Variants in ENKD1 observed in about 807,000 individuals in gnomAD.
The protein encoded by ENKD1 is enkurin domain-containing protein 1.
In ENKD1, 39 loss-of-function variants were observed where a neutral mutation model predicts 35.8. The observed-to-expected ratio is 1.09, with a 90% CI of 0.84 to 1.42. ENKD1 has a LOEUF of 1.42. ENKD1 is among the 40% of genes most tolerant of loss of function. The pLI, the probability that ENKD1 is intolerant of heterozygous loss-of-function variation, is 0.00. For synonymous variants in ENKD1, 205 were observed against 198.6 expected (o/e 1.03, Z -0.27); for missense variants, 474 against 471.3 (o/e 1.01, Z -0.05).
Position 67,666,540 on chromosome 16 carries a change from C to T in ENKD1, c.-98G>A, listed in dbSNP as rs2142988357. On this transcript the variant is annotated 5_prime_UTR_variant, in exon 1 of 7. Coordinates refer to ENST00000243878, the MANE Select transcript of ENKD1 (RefSeq NM_032140.3). ...CCCAACCCCGGGCCCCCTCCCTCGCCCGGCACCCTGACCCTGGCGTGCCCG... is the reference window on the plus strand; with the variant it reads ...CCCAACCCCGGGCCCCCTCCCTCGCTCGGCACCCTGACCCTGGCGTGCCCG... The T allele has an allele frequency of 8.5e-7, 1 of 1,179,898 alleles. No homozygotes were observed. The highest frequency in any genetic ancestry group is 1.1e-6 in the Non-Finnish European group (1 of 892,586). 73.1% of individuals were successfully genotyped at this position (1,179,898 alleles called of 1,614,324 possible).
At chr16:67,665,935 C>T in intron 2 of ENKD1, 136 bp downstream of exon 2, 1 of 948,146 alleles carries the variant, frequency 1.1e-6, no homozygotes, top group South Asian at 1.7e-5. Context: ...ATATTTCTCC[C>T]CCTTTTATAG....
chr16:67,663,490 AG>A lies in ENKD1; in HGVS notation c.809del (p.Pro270LeufsTer19), dbSNP rs1232718534. 1.7e-5 allele frequency: 28 copies of A among 1,612,910 alleles called. No individual in the cohort carries two copies. Among genetic ancestry groups the A allele is most frequent in the Non-Finnish European group, 2.4e-5 (28 of 1,179,896 alleles). ...AEARKQSQPDPAMPPGHTRMP... is the reference protein window; with the variant it reads ...AEARKQSQPDXAMPPGHTRMP... Reference sequence around the variant, plus strand: ...TGCGCGTGTGGCCTGGGGGCATGGCAGGGTCCGGCTGGCTCTGCTTGCGGGC... The same window carrying A: ...TGCGCGTGTGGCCTGGGGGCATGGCAGGTCCGGCTGGCTCTGCTTGCGGGC... On this transcript the variant is annotated frameshift_variant, in exon 6 of 7. Transcript: ENST00000243878. LOFTEE classifies it high-confidence loss of function.
In ENKD1 at chr16:67,666,158, C is replaced by T. The variant is rs941646328; in HGVS notation, c.193G>A (p.Glu65Lys). The change falls in exon 2 of 7, where the codon GAG (glutamate) becomes AAG (lysine). Residue 65 changes from glutamate to lysine, a missense_variant. Glu to Lys is a moderately conservative substitution (Grantham distance 56, BLOSUM62 1). Transcript: ENST00000243878. ...CCGCGCTGGCCGCGCTCCAGGATCT[C>T]TCCGGCACCGGGACCGATGCAGGGG... Reference protein sequence around the residue: ...RGPCIGPGAGEILERGQRGVG... With the variant: ...RGPCIGPGAGKILERGQRGVG... The T allele has an allele frequency of 6.2e-7, 1 of 1,612,754 alleles. No homozygotes were observed. The highest frequency in any genetic ancestry group is 8.5e-7 in the Non-Finnish European group (1 of 1,179,950).
chr16:67,663,156 G>A lies in ENKD1; in HGVS notation c.*5C>T. The A allele has an allele frequency of 1.2e-6, 2 of 1,613,856 alleles. No individual in the cohort carries two copies. Among genetic ancestry groups the A allele is most frequent in the Non-Finnish European group, 8.5e-7 (1 of 1,179,994 alleles). On this transcript the variant is annotated 3_prime_UTR_variant, in exon 7 of 7. Transcript: ENST00000243878. Reference sequence around the variant, plus strand: ...GAGCTCCTTGCCACTGTCCCCCAAAGGGGCTCAGTCGTCCATCTTCACGAA... The same window carrying A: ...GAGCTCCTTGCCACTGTCCCCCAAAAGGGCTCAGTCGTCCATCTTCACGAA...
chr16:67,666,288 G>T lies in ENKD1; in HGVS notation c.86-23C>A, dbSNP rs764111689. 11 of 1,601,240 alleles carry T rather than the reference G, an allele frequency of 6.9e-6. No homozygotes were observed. In the East Asian group the frequency reaches 2.5e-4, roughly 36 times the overall value. On this transcript the variant is annotated intron_variant, in intron 1 of 6. Coordinates refer to ENST00000243878, the MANE Select transcript of ENKD1 (RefSeq NM_032140.3). ...GAGCTGTGGGGCGGAGCCGGGCGGA[G>T]TCCGGGGCTCAGAGGTGGAGCCAGG...
At position 67,666,643 on chromosome 16, in the gene ENKD1, C is replaced by CT; in HGVS notation, c.-202dup. On this transcript the variant is annotated 5_prime_UTR_variant, in exon 1 of 7. Coordinates refer to ENST00000243878, the MANE Select transcript of ENKD1 (RefSeq NM_032140.3). ...CTCCGCGACCTCTGCTCCCAGCCCA[C>CT]TTCTCGGTCCCGCTCGCGGCCTCTC... The CT allele has an allele frequency of 1.9e-6, 1 of 523,392 alleles. No individual in the cohort carries two copies. Among genetic ancestry groups the CT allele is most frequent in the Non-Finnish European group, 3.3e-6 (1 of 307,552 alleles). 32.4% of individuals were successfully genotyped at this position (523,392 alleles called of 1,614,324 possible).
chr16:67,664,969 A>G, intron 3 of ENKD1, 27 bp downstream of exon 3: 2 of 1,575,722 alleles, frequency 1.3e-6, no homozygotes, highest in Non-Finnish European at 1.7e-6. Context: ...AAAATGGATA[A>G]TACTTCTGGC....
intron 2 of ENKD1, 142 bp from the exon 3 acceptor site, chr16:67,665,310 T>A (rs777693327): frequency 8.4e-6 from 6 of 713,868 alleles, no homozygotes; most frequent in East Asian, 2.9e-5. Context: ...CTACACACAC[T>A]CTCCCTCATC....
rs751431968 is a variant in ENKD1, at chr16:67,663,980, T to A, written c.536A>T (p.His179Leu). 1.9e-6 allele frequency: 3 copies of A among 1,596,382 alleles called. No individual in the cohort carries two copies. The highest frequency in any genetic ancestry group is 1.7e-6 in the Non-Finnish European group (2 of 1,171,092). Residue 179 changes from histidine (H) to leucine (L), a missense_variant, in exon 4 of 7, where the codon CAT (histidine) becomes CTT (leucine). Transcript: ENST00000243878. ...SRCGPGLPPP[H>L]VSSPQPTPPG... The stretch of plus-strand genomic sequence containing the variant: ...TGGGGTTGGCTGGGGACTAGATACA[T>A]GGGGTGGTGGGAGGCCAGGGCCGCA...
chr16:67,664,085 G>A, intron 3 of ENKD1, 23 bp from the exon 4 acceptor site: 3 of 1,549,520 alleles, frequency 1.9e-6, no homozygotes, highest in Non-Finnish European at 2.6e-6. Context: ...GCACAGCAGA[G>A]AGAGCAGGCA....
chr16:67,663,187 T>A lies in ENKD1; in HGVS notation c.1015A>T (p.Lys339Ter). Reference sequence around the variant, plus strand: ...CAGTCGTCCATCTTCACGAAGACTTTGGGCCGAGAAAAGATCTTGATGGCC... The same window carrying A: ...CAGTCGTCCATCTTCACGAAGACTTAGGGCCGAGAAAAGATCTTGATGGCC... ...EEAIKIFSRPKVFVKMDD is the reference protein window; with the variant it reads ...EEAIKIFSRP Residue 339 changes from lysine to a stop codon, truncating the protein, a stop_gained, in exon 7 of 7, where the codon AAA (lysine) becomes TAA (stop). Transcript: ENST00000243878. LOFTEE classifies it high-confidence loss of function. 6.2e-7 allele frequency: 1 copy of A among 1,614,072 alleles called. No homozygotes were observed. Among genetic ancestry groups the A allele is most frequent in the Non-Finnish European group, 8.5e-7 (1 of 1,180,034 alleles).
chr16:67,664,051 A>G lies in ENKD1; in HGVS notation c.465T>C (p.Pro155=). The G allele has an allele frequency of 5.8e-6, 9 of 1,557,800 alleles. No homozygotes were observed. Among genetic ancestry groups the G allele is most frequent in the Non-Finnish European group, 7.0e-6 (8 of 1,150,440 alleles). Residue 155 remains proline, a synonymous_variant, in exon 4 of 7, where the codon CCT becomes CCC. Coordinates refer to ENST00000243878, the MANE Select transcript of ENKD1 (RefSeq NM_032140.3). ...AGTGGGCAGACTCTGTCCCAGAGGCAGGGCCAGGCTCCTGGAGGGCAGGGC... is the reference window on the plus strand; with the variant it reads ...AGTGGGCAGACTCTGTCCCAGAGGCGGGGCCAGGCTCCTGGAGGGCAGGGC... The part of the protein sequence containing the change: ...RVKAQLQEPG[P]ASGTESAHFL...
Position 67,663,668 on chromosome 16 carries a change from A to G in ENKD1, c.732T>C (p.His244=). The G allele has an allele frequency of 1.9e-6, 3 of 1,611,974 alleles. No homozygotes were observed. The highest frequency in any genetic ancestry group is 2.2e-5 in the South Asian group (2 of 90,892). The change falls in exon 5 of 7, where the codon CAT becomes CAC. Residue 244 remains histidine (H), a synonymous_variant. Transcript: ENST00000243878. ...QEHYNATQKG[H]VPHYLLERRD... is the part of the protein sequence containing the mutation. ...GCAGTGAGACCTACTAATGTGGCACATGGCCCTTCTGCGTGGCATTGTAGT... is the reference window on the plus strand; with the variant it reads ...GCAGTGAGACCTACTAATGTGGCACGTGGCCCTTCTGCGTGGCATTGTAGT...
intron 3 of ENKD1, 103 bp from the exon 4 acceptor site, chr16:67,664,165 C>T (rs1196720665): frequency 3.0e-6 from 3 of 1,003,074 alleles, no homozygotes; most frequent in South Asian, 1.4e-5. Flanking sequence ...CATCCATGTC[C>T]CTCGGGCCCT....
intron 3 of ENKD1, 92 bp from the exon 4 acceptor site, chr16:67,664,154 G>T (rs2053070139): frequency 8.5e-7 from 1 of 1,181,764 alleles, no homozygotes; most frequent in East Asian, 2.5e-5. Flanking sequence ...TCTGACCTTT[G>T]CATCCATGTC....
Position 67,665,105 on chromosome 16 carries a change from A to T in ENKD1, c.344T>A (p.Phe115Tyr), listed in dbSNP as rs764674742. 2 of 1,613,818 alleles carry T rather than the reference A, an allele frequency of 1.2e-6. No individual in the cohort carries two copies. Among genetic ancestry groups the T allele is most frequent in the African/African-American group, 1.3e-5 (1 of 75,002 alleles). The part of the protein sequence containing the change: ...LRRIREIQKR[F>Y]REQERSREQG... The stretch of plus-strand genomic sequence containing the variant: ...CTCCCGGCTGCGCTCCTGTTCTCTG[A>T]AGCGCTTCTGAATCTCCCTGATCCG... The change falls in exon 3 of 7, where the codon TTC becomes TAC. Residue 115 changes from phenylalanine to tyrosine, a missense_variant. By Grantham distance (22) the Phe-to-Tyr change is conservative (BLOSUM62 3). Coordinates refer to ENST00000243878, the MANE Select transcript of ENKD1 (RefSeq NM_032140.3).
chr16:67,664,846 A>G (rs942550440), intron 3 of ENKD1, 150 bp downstream of exon 3: 3 of 948,996 alleles, frequency 3.2e-6, no homozygotes, highest in African/African-American at 3.3e-5. Flanking sequence ...ACTTCTGAGA[A>G]GCCCCCCAGC....
At position 67,666,221 on chromosome 16, in the gene ENKD1, T is replaced by G. The variant is rs779860202; in HGVS notation, c.130A>C (p.Thr44Pro). Reference sequence around the variant, plus strand: ...GTGGTGTCCAGGGCCCGGTCGGAAGTCAGCAAGTCCAGCTTCAGCGCGTTT... The same window carrying G: ...GTGGTGTCCAGGGCCCGGTCGGAAGGCAGCAAGTCCAGCTTCAGCGCGTTT... ...EGNALKLDLL[T>P]SDRALDTTAP... The change falls in exon 2 of 7, where the codon ACT becomes CCT. Residue 44 changes from threonine (T) to proline (P), a missense_variant. Physicochemically the swap from Thr to Pro is conservative, Grantham distance 38 (BLOSUM62 -1). Coordinates refer to ENST00000243878, the MANE Select transcript of ENKD1 (RefSeq NM_032140.3). 4.4e-6 allele frequency: 7 copies of G among 1,608,538 alleles called. No homozygotes were observed. The highest frequency in any genetic ancestry group is 1.6e-4 in the Middle Eastern group (1 of 6,066).
At chr16:67,665,519 G>A (rs2053089654) in intron 2 of ENKD1, among the ~76,000 whole-genome samples, 1 of 152,074 alleles carries the variant, frequency 6.6e-6, no homozygotes, top group Non-Finnish European at 1.5e-5. Context: ...ACTCCACCAT[G>A]CCAGCCTGAT....
Sources: allele counts gnomAD v4.1 joint callset (sites outside exome capture counted in the v4.1 genomes callset), GRCh38; gene constraint gnomAD v4.1.1; transcripts MANE v1.5; gene names NCBI Gene and HGNC (gene_info 2026-07-23, HGNC 2026-07-21).